The following SLC8A3 variants were observed in gnomAD, a reference collection of about 807,000 sequenced individuals.
The protein encoded by SLC8A3 is sodium/calcium exchanger 3.
A neutral mutation model predicts 65.4 loss-of-function variants in SLC8A3; 37 were observed. The ratio of observed to expected loss-of-function variants is 0.57; its 90% confidence interval spans 0.44 to 0.74. The LOEUF (loss-of-function observed/expected upper bound fraction) is 0.74. Ranked by LOEUF, SLC8A3 falls within the 30% of genes least tolerant of loss-of-function variation. SLC8A3 has a pLI of 0.00. For missense variants in SLC8A3, 1,112 were observed against 1,172.1 expected, an observed-to-expected ratio of 0.95 and a Z score of 0.75; for synonymous variants, 461 against 444.5, an observed-to-expected ratio of 1.04 and a Z score of -0.47.
intron 2 of SLC8A3, among the ~76,000 whole-genome samples, chr14:70,062,551 G>A (rs1157938757): frequency 6.6e-6 from 1 of 152,212 alleles, no homozygotes; most frequent in African/African-American, 2.4e-5. Context: ...GTCCAGGTGT[G>A]TTGTAGGCTA....
At chr14:70,098,528 G>A (rs1263965638) in intron 2 of SLC8A3, among the ~76,000 whole-genome samples, 1 of 152,188 alleles carries the variant, frequency 6.6e-6, no homozygotes, top group African/African-American at 2.4e-5. Context: ...GTGGAGAAGA[G>A]ACTGAGGTGT....
intron 2 of SLC8A3, among the ~76,000 whole-genome samples, chr14:70,139,643 G>A (rs1008810177): frequency 1.3e-5 from 2 of 152,298 alleles, no homozygotes; most frequent in Non-Finnish European, 2.9e-5. Flanking sequence ...GAAACTAGGG[G>A]TTCCCATGGC....
At chr14:70,113,829 A>G (rs1893472244) in intron 2 of SLC8A3, among the ~76,000 whole-genome samples, 1 of 152,226 alleles carries the variant, frequency 6.6e-6, no homozygotes, top group Non-Finnish European at 1.5e-5. Flanking sequence ...ATTAGGTCAC[A>G]TGCTTATCTT....
chr14:70,148,752 A>G (rs1896090284), intron 2 of SLC8A3, among the ~76,000 whole-genome samples: 1 of 152,246 alleles, frequency 6.6e-6, no homozygotes, highest in Non-Finnish European at 1.5e-5. Flanking sequence ...GCTATGTGCA[A>G]GCACAAAGCT....
chr14:70,118,184 C>T (rs1007695024), intron 2 of SLC8A3, among the ~76,000 whole-genome samples: 1 of 152,254 alleles, frequency 6.6e-6, no homozygotes, highest in African/African-American at 2.4e-5. Flanking sequence ...CATCTGAATC[C>T]CTTTATGTAT....
intron 2 of SLC8A3, among the ~76,000 whole-genome samples, chr14:70,087,058 C>G (rs1342645507): frequency 6.6e-6 from 1 of 152,208 alleles, no homozygotes; most frequent in East Asian, 1.9e-4. Flanking sequence ...GTACCACTAT[C>G]CAAAGCCTTA....
rs1883543820 is a variant in SLC8A3, at chr14:70,188,529, T to G, written c.-213A>C. On this transcript the variant is annotated 5_prime_UTR_variant, in exon 1 of 7. Transcript: ENST00000356921. ...CGCAGCCGCGTCCGGGGCATGTCAG[T>G]CCGCCGCCGCCGCCCTCCCGCCGGG... is the stretch of plus-strand genomic sequence containing the variant. 1 of 151,878 alleles carries G rather than the reference T, an allele frequency of 6.6e-6. No homozygotes were observed. 9.4% of individuals were successfully genotyped at this position (151,878 alleles called of 1,614,324 possible).
chr14:70,167,881 A>G lies in SLC8A3; in HGVS notation c.542T>C (p.Ile181Thr), dbSNP rs756567045. 1.2e-6 allele frequency: 2 copies of G among 1,614,074 alleles called. No individual in the cohort carries two copies. The highest frequency in any genetic ancestry group is 1.3e-5 in the African/African-American group (1 of 74,932). The change falls in exon 2 of 7, where the codon ATC (isoleucine) becomes ACC (threonine). Residue 181 changes from isoleucine (I) to threonine (T), a missense_variant. By Grantham distance (89) the Ile-to-Thr change is moderately conservative. Coordinates refer to ENST00000356921, the MANE Select transcript of SLC8A3 (RefSeq NM_182932.3). ...GATCACGTAGACACAGATGCCAATGATGATGAACATGTTGAAGGCTGCACT... is the reference window on the plus strand; with the variant it reads ...GATCACGTAGACACAGATGCCAATGGTGATGAACATGTTGAAGGCTGCACT... The part of the protein sequence containing the change: ...VGSAAFNMFI[I>T]IGICVYVIPD...
At chr14:70,184,834 A>G (rs1279593573) in intron 1 of SLC8A3, among the ~76,000 whole-genome samples, 1 of 152,208 alleles carries the variant, frequency 6.6e-6, no homozygotes, top group Admixed American at 6.5e-5. Context: ...ATCAATGGCT[A>G]GCTGAATGAA....
chr14:70,069,086 C>T (rs746322952), intron 2 of SLC8A3, among the ~76,000 whole-genome samples: 2 of 152,186 alleles, frequency 1.3e-5, no homozygotes, highest in African/African-American at 4.8e-5. Flanking sequence ...CTTGCTCAGT[C>T]GCACAGCTAT....
chr14:70,110,890 C>T (rs750502368), intron 2 of SLC8A3, among the ~76,000 whole-genome samples: 2 of 151,920 alleles, frequency 1.3e-5, no homozygotes, highest in Non-Finnish European at 2.9e-5. Context: ...CCGTGTTAGC[C>T]AAGATGGTCT....
At chr14:70,169,340 C>T (rs1329184194) in intron 1 of SLC8A3, among the ~76,000 whole-genome samples, 1 of 152,132 alleles carries the variant, frequency 6.6e-6, no homozygotes, top group Non-Finnish European at 1.5e-5. Context: ...CAGCTCTGAG[C>T]CCTCCAGTAA....
At chr14:70,136,671 C>T (rs373575132) in intron 2 of SLC8A3, among the ~76,000 whole-genome samples, 95 of 152,280 alleles carry the variant, frequency 6.2e-4, no homozygotes, top group African/African-American at 2.3e-3. Context: ...ACCTTCCTAC[C>T]TGCATAGGTT....
chr14:70,051,025 G>A lies in SLC8A3; in HGVS notation c.2096C>T (p.Ala699Val). ...CTTCTCACCTGCACTGACGGTGATG[G>A]CCTCCATGAACTGGTCCCTCCAGGA... ...THSWRDQFMEAITVSAAGDED... is the reference protein window; with the variant it reads ...THSWRDQFMEVITVSAAGDED... Residue 699 changes from alanine (A) to valine (V), a missense_variant, in exon 5 of 7, where the codon GCC (alanine) becomes GTC (valine). Physicochemically the swap from Ala to Val is moderately conservative, Grantham distance 64. Coordinates refer to ENST00000356921, the MANE Select transcript of SLC8A3 (RefSeq NM_182932.3). The A allele has an allele frequency of 6.2e-7, 1 of 1,611,114 alleles. No homozygotes were observed. Among genetic ancestry groups the A allele is most frequent in the Non-Finnish European group, 8.5e-7 (1 of 1,177,348 alleles).
intron 2 of SLC8A3, among the ~76,000 whole-genome samples, chr14:70,069,403 T>C (rs150948): frequency 4.6e-5 from 7 of 152,128 alleles, no homozygotes; most frequent in Admixed American, 1.3e-4. Context: ...CTCTTTACCC[T>C]GTCAAGAAGC....
chr14:70,116,222 C>T (rs181336606), intron 2 of SLC8A3, among the ~76,000 whole-genome samples: 145 of 152,218 alleles, frequency 9.5e-4, no homozygotes, highest in African/African-American at 3.0e-3. Flanking sequence ...CTCTCCTCCC[C>T]GCTCCCAAAA....
intron 2 of SLC8A3, among the ~76,000 whole-genome samples, chr14:70,158,124 T>C (rs1252693314): frequency 1.3e-5 from 2 of 152,210 alleles, no homozygotes; most frequent in Non-Finnish European, 2.9e-5. Flanking sequence ...CTGCAGCACC[T>C]AGAGCACAAA....
At chr14:70,081,203 GCAC>G (rs1415892002) in intron 2 of SLC8A3, among the ~76,000 whole-genome samples, 4 of 152,180 alleles carry the variant, frequency 2.6e-5, no homozygotes, top group African/African-American at 7.2e-5. Flanking sequence ...GTCCTAGGCA[GCAC>G]TTCTATAAGG....
At chr14:70,144,599 C>T (rs1895802299) in intron 2 of SLC8A3, among the ~76,000 whole-genome samples, 1 of 148,810 alleles carries the variant, frequency 6.7e-6, no homozygotes, top group Admixed American at 6.7e-5. Flanking sequence ...ACTGCACTTC[C>T]AGCCTGGGCA....
Sources: gnomAD v4.1 joint callset for allele counts (sites outside exome capture counted in the v4.1 genomes callset) on GRCh38, gnomAD v4.1.1 for gene constraint, MANE v1.5 for transcripts, NCBI Gene and HGNC (gene_info 2026-07-23, HGNC 2026-07-21) for gene names.